Variants in B4GALT5 observed in about 807,000 individuals in gnomAD.
B4GALT5 encodes the protein beta-1,4-galactosyltransferase 5.
B4GALT5 carries 11 observed loss-of-function variants against 45.0 expected under a neutral mutation model. The ratio of observed to expected loss-of-function variants is 0.24; its 90% CI spans 0.15 to 0.40. The LOEUF is 0.40. Among genes scored for constraint, B4GALT5 ranks in the 10% least tolerant of loss-of-function variants. The probability of loss-of-function intolerance (pLI) is 1.00; values close to 1 mark genes in which losing one functional copy is unlikely to be tolerated. For synonymous variants in B4GALT5, 185 were observed against 182.9 expected (o/e 1.01, Z -0.09); for missense variants, 337 against 500.2 (o/e 0.67, Z 3.11).
chr20:49,704,879 C>T (rs1600558797), intron 1 of B4GALT5, among the ~76,000 whole-genome samples: 1 of 152,212 alleles, frequency 6.6e-6, no homozygotes, highest in East Asian at 1.9e-4. Flanking sequence ...GAAGGTGCCT[C>T]AGAAACAATG....
At chr20:49,640,389 T>C in intron 6 of B4GALT5, 89 bp downstream of exon 6, 3 of 1,191,340 alleles carry the variant, frequency 2.5e-6, no homozygotes, top group Non-Finnish European at 3.4e-6. Flanking sequence ...TTGATGGGCA[T>C]CTAGGTTGCA....
intron 1 of B4GALT5, among the ~76,000 whole-genome samples, chr20:49,667,671 A>G (rs2085697388): frequency 1.3e-5 from 2 of 152,132 alleles, no homozygotes; most frequent in African/African-American, 4.8e-5. Flanking sequence ...TTGGCCTCCC[A>G]AAGTGCTGGG....
intron 5 of B4GALT5, among the ~76,000 whole-genome samples, chr20:49,641,850 T>C (rs2085578200): frequency 6.6e-6 from 1 of 151,950 alleles, no homozygotes; most frequent in Admixed American, 6.6e-5. Context: ...GTCAGTAATG[T>C]AAACATATAA....
chr20:49,653,757 C>A (rs1031197354), intron 2 of B4GALT5, among the ~76,000 whole-genome samples: 30 of 152,240 alleles, frequency 2.0e-4, no homozygotes, highest in African/African-American at 6.5e-4. Flanking sequence ...GAAATAAACA[C>A]GTTTAACAAA....
chr20:49,698,106 G>C (rs2085846807), intron 1 of B4GALT5, among the ~76,000 whole-genome samples: 1 of 152,154 alleles, frequency 6.6e-6, no homozygotes, highest in South Asian at 2.1e-4. Context: ...CAGATTACCT[G>C]AAGTCAGGAG....
At position 49,636,269 on chromosome 20, in the gene B4GALT5, T is replaced by C. The variant is rs2085553414; in HGVS notation, c.*43A>G. 2 of 1,608,680 alleles carry C rather than the reference T, an allele frequency of 1.2e-6. No homozygotes were observed. Among genetic ancestry groups the C allele is most frequent in the Admixed American group, 1.7e-5 (1 of 59,276 alleles). On this transcript the variant is annotated 3_prime_UTR_variant, in exon 9 of 9. Coordinates refer to ENST00000371711, the MANE Select transcript of B4GALT5 (RefSeq NM_004776.4). ...CCAAAAAAAAATCTCATCGGACTGC[T>C]TTCTTGGTGGCGGTGGGTAAAGCAA... is the stretch of plus-strand genomic sequence containing the variant.
intron 5 of B4GALT5, among the ~76,000 whole-genome samples, chr20:49,641,141 T>C (rs905178523): frequency 6.6e-6 from 1 of 152,068 alleles, no homozygotes; most frequent in Admixed American, 6.6e-5. Flanking sequence ...AAAAAGTCAC[T>C]GGACCTCTGG....
intron 1 of B4GALT5, among the ~76,000 whole-genome samples, chr20:49,689,361 G>A (rs999595861): frequency 4.6e-5 from 7 of 152,154 alleles, no homozygotes; most frequent in Non-Finnish European, 1.0e-4. Flanking sequence ...AAATGATCAC[G>A]GGAGTGGTGT....
chr20:49,661,615 A>G, intron 1 of B4GALT5, among the ~76,000 whole-genome samples: 1 of 152,150 alleles, frequency 6.6e-6, no homozygotes, highest in Non-Finnish European at 1.5e-5. Flanking sequence ...AAAAAAAACA[A>G]TTTTAAGTTG....
chr20:49,709,863 T>G (rs372022058), intron 1 of B4GALT5, among the ~76,000 whole-genome samples: 56 of 152,372 alleles, frequency 3.7e-4, no homozygotes, highest in African/African-American at 1.3e-3. Flanking sequence ...TTTATATTTT[T>G]TGCAAACACA....
At chr20:49,683,103 GAA>G (rs11475845) in intron 1 of B4GALT5, among the ~76,000 whole-genome samples, 18 of 148,422 alleles carry the variant, frequency 1.2e-4, no homozygotes, top group Non-Finnish European at 2.4e-4. Context: ...TTCTGGGGAG[GAA>G]AAAAAAAAAG....
chr20:49,700,331 T>C (rs2085856489), intron 1 of B4GALT5, among the ~76,000 whole-genome samples: 1 of 152,188 alleles, frequency 6.6e-6, no homozygotes, highest in South Asian at 2.1e-4. Context: ...TTAAGTAAAG[T>C]TAATTTTTCT....
At chr20:49,675,165 C>T (rs1421085932) in intron 1 of B4GALT5, among the ~76,000 whole-genome samples, 5 of 152,102 alleles carry the variant, frequency 3.3e-5, no homozygotes, top group East Asian at 3.8e-4. Flanking sequence ...TGGCTTGTTC[C>T]GTGTGTTCAG....
rs188082712 is a variant in B4GALT5, at chr20:49,699,382, A to C, written c.115+14194T>G. On this transcript the variant is annotated intron_variant, in intron 1 of 8. Transcript: ENST00000371711. ...CCTAAATGGGCAAAAAAAAAAAAAA[A>C]AAAAAAACCCCACTAGTCATTTGCC... Among the ~76,000 whole-genome samples the C allele has an allele frequency of 7.7e-3, 1,170 of 151,810 alleles. 6 individuals are homozygous for C. Among genetic ancestry groups the C allele is most frequent in the Non-Finnish European group, 0.012 (786 of 67,936 alleles).
At chr20:49,662,023 G>C (rs190325270) in intron 1 of B4GALT5, among the ~76,000 whole-genome samples, 13 of 152,188 alleles carry the variant, frequency 8.5e-5, no homozygotes, top group Middle Eastern at 3.4e-3. Context: ...GACAGCTTCC[G>C]GGGGCGAAGG....
intron 5 of B4GALT5, among the ~76,000 whole-genome samples, chr20:49,641,896 T>C (rs1444353706): frequency 6.6e-6 from 1 of 151,882 alleles, no homozygotes; most frequent in African/African-American, 2.4e-5. Flanking sequence ...AGTAGGACAG[T>C]CATGTTCCAT....
Position 49,656,424 on chromosome 20 carries a change from A to G in B4GALT5, c.250+144T>C, listed in dbSNP as rs573888859. 2.0e-3 allele frequency: 1,996 copies of G among 1,004,578 alleles called. 11 individuals are homozygous for G. The highest frequency in any genetic ancestry group is 2.0e-3 in the Non-Finnish European group (1,334 of 681,484). The allele number at this position is 1,004,578 out of a possible 1,614,324, so 62.2% of individuals were successfully genotyped here. A position where few individuals can be genotyped will look rare whatever the true frequency, so the allele number is the denominator to read the frequency against. Reference sequence around the variant, plus strand: ...AAAATGAACGAGGATTCATTTGGCAAGAGCTTTTTTAGCAGTAAAGTAAAA... The same window carrying G: ...AAAATGAACGAGGATTCATTTGGCAGGAGCTTTTTTAGCAGTAAAGTAAAA... On this transcript the variant is annotated intron_variant, in intron 2 of 8. Coordinates refer to ENST00000371711, the MANE Select transcript of B4GALT5 (RefSeq NM_004776.4).
At chr20:49,644,663 C>G (rs573590815) in intron 3 of B4GALT5, among the ~76,000 whole-genome samples, 1 of 152,250 alleles carries the variant, frequency 6.6e-6, no homozygotes, top group Admixed American at 6.5e-5. Context: ...TCTCAGCCTT[C>G]CCAAACTAAG....
At chr20:49,700,735 G>C (rs1187510107) in intron 1 of B4GALT5, among the ~76,000 whole-genome samples, 1 of 152,164 alleles carries the variant, frequency 6.6e-6, no homozygotes, top group African/African-American at 2.4e-5. Context: ...GGGTATGCTG[G>C]ACAAAGGAAT....
Sources: allele counts gnomAD v4.1 joint callset (sites outside exome capture counted in the v4.1 genomes callset), GRCh38; gene constraint gnomAD v4.1.1; transcripts MANE v1.5; gene names NCBI Gene and HGNC (gene_info 2026-07-23, HGNC 2026-07-21).